TMEM132B: variants seen among roughly 807,000 people sequenced by gnomAD.
TMEM132B encodes the protein transmembrane protein 132B.
TMEM132B carries 18 observed loss-of-function variants against 90.8 expected under a neutral mutation model. The observed-to-expected ratio is 0.20, with a 90% CI of 0.14 to 0.29. The LOEUF is 0.29. TMEM132B is among the 10% of genes least tolerant of loss of function. TMEM132B has a pLI of 1.00. For missense variants in TMEM132B, 1,096 were observed against 1,326.8 expected, an observed-to-expected ratio of 0.83 and a Z score of 2.70; for synonymous variants, 504 against 523.3, an observed-to-expected ratio of 0.96 and a Z score of 0.50.
chr12:125,436,123 G>A (rs1404167178), intron 3 of TMEM132B, among the ~76,000 whole-genome samples: 2 of 152,210 alleles, frequency 1.3e-5, no homozygotes, highest in African/African-American at 4.8e-5. Flanking sequence ...TCATGTTCCA[G>A]TGGAAAGTAG....
At chr12:125,389,443 TATCTC>T (rs1365208519) in intron 2 of TMEM132B, among the ~76,000 whole-genome samples, 2 of 151,022 alleles carry the variant, frequency 1.3e-5, no homozygotes, top group Non-Finnish European at 2.9e-5. Context: ...TCATCACAGA[TATCTC>T]TTCCTGCTCT....
chr12:125,643,257 G>A (rs1886676476), intron 5 of TMEM132B, among the ~76,000 whole-genome samples: 1 of 152,214 alleles, frequency 6.6e-6, no homozygotes, highest in African/African-American at 2.4e-5. Flanking sequence ...CAGTATGAAT[G>A]CAAAGGTTGC....
intron 2 of TMEM132B, among the ~76,000 whole-genome samples, chr12:125,394,701 G>A (rs1436115780): frequency 6.6e-6 from 1 of 152,128 alleles, no homozygotes; most frequent in African/African-American, 2.4e-5. Context: ...TATGAATCTG[G>A]GACTTGGAAG....
chr12:125,591,029 GTGTGTGTT>G (rs1885305724), intron 5 of TMEM132B, among the ~76,000 whole-genome samples: 1 of 151,956 alleles, frequency 6.6e-6, no homozygotes, highest in African/African-American at 2.4e-5. Context: ...GCGTGTGTGT[GTGTGTGTT>G]TGTGTGTGTG....
intron 5 of TMEM132B, among the ~76,000 whole-genome samples, chr12:125,633,427 G>T (rs1886411217): frequency 6.6e-6 from 1 of 152,200 alleles, no homozygotes. Context: ...GGTCTCTTGT[G>T]CTTTATTTAG....
At chr12:125,652,376 C>T (rs763715398) in intron 7 of TMEM132B, 65 bp from the exon 8 acceptor site, 10 of 1,451,146 alleles carry the variant, frequency 6.9e-6, no homozygotes, top group Middle Eastern at 2.4e-4. Flanking sequence ...TTGGGAGCCC[C>T]AGTTAAGGGA....
intron 4 of TMEM132B, among the ~76,000 whole-genome samples, chr12:125,556,627 C>G (rs1884394798): frequency 6.6e-6 from 1 of 152,162 alleles, no homozygotes; most frequent in Non-Finnish European, 1.5e-5. Context: ...TCCCATGTGA[C>G]AAGATATCTG....
chr12:125,364,386 A>G (rs956509816), intron 2 of TMEM132B, among the ~76,000 whole-genome samples: 1 of 152,226 alleles, frequency 6.6e-6, no homozygotes, highest in Non-Finnish European at 1.5e-5. Flanking sequence ...AGATTCTACC[A>G]TTAATATTTT....
At position 125,415,491 on chromosome 12, in the gene TMEM132B, GT is replaced by G. The variant is rs964495592; in HGVS notation, c.960-36del. On this transcript the variant is annotated intron_variant, in intron 2 of 8. Transcript: ENST00000682704. This position sits in a 1 kb window ranked among gnomAD's most constrained non-coding sequence, Gnocchi z 5.3. ...TTACTACCTGTTTCAAACTAAAATGGTTTTATTATATATAATATCATTGTTT... is the reference window on the plus strand; with the variant it reads ...TTACTACCTGTTTCAAACTAAAATGGTTTATTATATATAATATCATTGTTT... 1 of 1,605,430 alleles carries G rather than the reference GT, an allele frequency of 6.2e-7. No homozygotes were observed. The highest frequency in any genetic ancestry group is 8.5e-7 in the Non-Finnish European group (1 of 1,175,842).
chr12:125,413,941 A>G (rs1022744479), intron 2 of TMEM132B, among the ~76,000 whole-genome samples: 2 of 152,214 alleles, frequency 1.3e-5, no homozygotes, highest in African/African-American at 4.8e-5. Context: ...TGGTTGTACC[A>G]CTTTACGTTC....
chr12:125,570,700 G>A (rs1012602804), intron 4 of TMEM132B, among the ~76,000 whole-genome samples: 5 of 152,208 alleles, frequency 3.3e-5, no homozygotes, highest in African/African-American at 1.2e-4. Flanking sequence ...ATACACAACA[G>A]TGGGATTGAA....
intron 3 of TMEM132B, among the ~76,000 whole-genome samples, chr12:125,448,261 A>C (rs1461061232): frequency 6.6e-6 from 1 of 152,106 alleles, no homozygotes; most frequent in Non-Finnish European, 1.5e-5. Flanking sequence ...AAAAAAAAAA[A>C]ATTCATTTTG....
chr12:125,441,921 C>T (rs1000259401), intron 3 of TMEM132B, among the ~76,000 whole-genome samples: 2 of 152,122 alleles, frequency 1.3e-5, no homozygotes, highest in Non-Finnish European at 2.9e-5. Flanking sequence ...AGATATGCTC[C>T]CTAAAGACTT....
At chr12:125,454,392 T>G (rs1813632) in intron 3 of TMEM132B, among the ~76,000 whole-genome samples, 16,710 of 111,960 alleles carry the variant, frequency 0.15, 1,033 homozygotes, top group South Asian at 0.25. Flanking sequence ...GTGTGTGTGT[T>G]TGTGTGTGTG....
chr12:125,529,818 T>C (rs1883595544), intron 4 of TMEM132B, among the ~76,000 whole-genome samples: 1 of 152,262 alleles, frequency 6.6e-6, no homozygotes, highest in Non-Finnish European at 1.5e-5. Context: ...TCCTAAAACA[T>C]CACAGATAAG....
At chr12:125,189,451 T>C (rs977497110) in intron 1 of TMEM132B, among the ~76,000 whole-genome samples, 3 of 152,142 alleles carry the variant, frequency 2.0e-5, no homozygotes, top group African/African-American at 7.2e-5. Flanking sequence ...GAGCTTTGGC[T>C]TTCAGGGCAG....
At position 125,654,109 on chromosome 12, in the gene TMEM132B, C is replaced by T. The variant is rs771932977; in HGVS notation, c.2651C>T (p.Pro884Leu). Reference protein sequence around the residue: ...FTSFPTQGKSPDPNNPSDLTV... With the variant: ...FTSFPTQGKSLDPNNPSDLTV... ...AGCTTCCCCACTCAAGGGAAGTCAC[C>T]GGACCCCAATAATCCTAGTGACCTC... The change falls in exon 9 of 9, where the codon CCG becomes CTG. Residue 884 changes from proline to leucine, a missense_variant. By Grantham distance (98) the Pro-to-Leu change is moderately conservative. Coordinates refer to ENST00000682704, the MANE Select transcript of TMEM132B (RefSeq NM_001366854.1). This position sits in a 1 kb window ranked among gnomAD's most constrained non-coding sequence, Gnocchi z 5.8. 72 of 1,614,048 alleles carry T rather than the reference C, an allele frequency of 4.5e-5. 2 individuals are homozygous for T. Among genetic ancestry groups the T allele is most frequent in the South Asian group, 2.9e-4 (26 of 91,074 alleles).
At chr12:125,589,281 G>T (rs1041482339) in intron 5 of TMEM132B, among the ~76,000 whole-genome samples, 1 of 151,970 alleles carries the variant, frequency 6.6e-6, no homozygotes, top group South Asian at 2.1e-4. Context: ...AGGAGATCGA[G>T]ACCATCCTGG....
chr12:125,392,833 T>A (rs1443216952), intron 2 of TMEM132B, among the ~76,000 whole-genome samples: 1 of 152,166 alleles, frequency 6.6e-6, no homozygotes, highest in Non-Finnish European at 1.5e-5. Flanking sequence ...CCTGAGGTAA[T>A]ATGTGTGAAA....
Sources: gnomAD v4.1 joint callset for allele counts (sites outside exome capture counted in the v4.1 genomes callset) on GRCh38, gnomAD v4.1.1 for gene constraint, Gnocchi (gnomAD v3.1) non-coding constraint, MANE v1.5 for transcripts, NCBI Gene and HGNC (gene_info 2026-07-23, HGNC 2026-07-21) for gene names.